Variants in TRPS1 observed in about 807,000 individuals in gnomAD.
TRPS1 encodes transcriptional repressor GATA binding 1, also known as zinc finger transcription factor Trps1.
TRPS1 carries 6 observed loss-of-function variants against 101.2 expected under a neutral mutation model. The observed-to-expected ratio is 0.06, with a 90% CI of 0.03 to 0.12. TRPS1 has a LOEUF of 0.12. Ranked by LOEUF, TRPS1 falls within the 10% of genes least tolerant of loss-of-function variation. The pLI is 1.00. For missense variants in TRPS1, 1,363 were observed against 1,567.0 expected (o/e 0.87, Z 2.20); for synonymous variants, 578 against 589.8 (o/e 0.98, Z 0.29).
chr8:115,555,434 T>C (rs1205945315), intron 5 of TRPS1, among the ~76,000 whole-genome samples: 1 of 152,176 alleles, frequency 6.6e-6, no homozygotes, highest in Non-Finnish European at 1.5e-5. Context: ...TAACAGTTTT[T>C]CCGAACACTT....
At chr8:115,605,030 T>C (rs1423089144) in intron 3 of TRPS1, 28 bp from the exon 4 acceptor site, 5 of 1,608,222 alleles carry the variant, frequency 3.1e-6, no homozygotes, top group Middle Eastern at 3.3e-4. Context: ...TGGACTTTAC[T>C]TCCAAGGTGT....
At chr8:115,480,949 T>C (rs772398920) in intron 5 of TRPS1, among the ~76,000 whole-genome samples, 2 of 152,130 alleles carry the variant, frequency 1.3e-5, no homozygotes, top group Non-Finnish European at 2.9e-5. Flanking sequence ...GTAGGTTGAC[T>C]AGAAAATATT....
intron 5 of TRPS1, among the ~76,000 whole-genome samples, chr8:115,563,786 T>C (rs1404461782): frequency 1.3e-5 from 2 of 152,080 alleles, no homozygotes; most frequent in Admixed American, 6.6e-5. Context: ...GGTGTTATGA[T>C]AACTCATGCA....
At position 115,413,308 on chromosome 8, in the gene TRPS1, A is replaced by G. The variant is rs1409267062; in HGVS notation, c.*715T>C. On this transcript the variant is annotated 3_prime_UTR_variant, in exon 7 of 7. Coordinates refer to ENST00000395715, the MANE Select transcript of TRPS1 (RefSeq NM_014112.5). ...GTGGACAAAATGAATCTAAACCGCAAACAAAAGGACTACTGAGTATTTGAA... is the reference window on the plus strand; with the variant it reads ...GTGGACAAAATGAATCTAAACCGCAGACAAAAGGACTACTGAGTATTTGAA... 2 of 152,614 alleles carry G rather than the reference A, an allele frequency of 1.3e-5. No homozygotes were observed. Among genetic ancestry groups the G allele is most frequent in the African/African-American group, 4.8e-5 (2 of 41,438 alleles). The allele number at this position is 152,614 out of a possible 1,614,324, so 9.5% of individuals were successfully genotyped here.
chr8:115,485,979 C>T (rs1014346484), intron 5 of TRPS1, among the ~76,000 whole-genome samples: 2 of 152,320 alleles, frequency 1.3e-5, no homozygotes, highest in South Asian at 2.1e-4. Context: ...TCCTTCATTA[C>T]ATAGTGACAG....
chr8:115,493,248 A>G (rs1463386978), intron 5 of TRPS1, among the ~76,000 whole-genome samples: 1 of 152,174 alleles, frequency 6.6e-6, no homozygotes, highest in Non-Finnish European at 1.5e-5. Flanking sequence ...ACTTCCATGA[A>G]TTATTTCCAG....
chr8:115,431,212 G>A (rs1274796269), intron 5 of TRPS1, among the ~76,000 whole-genome samples: 1 of 151,966 alleles, frequency 6.6e-6, no homozygotes, highest in African/African-American at 2.4e-5. Context: ...CTTAATTTCA[G>A]AAGAGATTGA....
rs151308513 is a variant in TRPS1, at chr8:115,542,071, T to C, written c.2700+44930A>G. Among the ~76,000 whole-genome samples the C allele has an allele frequency of 7.9e-5, 12 of 152,296 alleles. No homozygotes were observed. In the East Asian group the frequency reaches 1.9e-3, roughly 24 times the overall value. On this transcript the variant is annotated intron_variant, in intron 5 of 6. Transcript: ENST00000395715. ...GCAAGTGGAAGAGAAATGCAAGATA[T>C]GGAAGCCTAGCCAATATTCCATTTG...
At chr8:115,581,191 TAA>T (rs772104490) in intron 5 of TRPS1, among the ~76,000 whole-genome samples, 3 of 139,942 alleles carry the variant, frequency 2.1e-5, no homozygotes, top group Non-Finnish European at 4.7e-5. Flanking sequence ...ATGTGGAAGC[TAA>T]AAAAAAAAAA....
chr8:115,497,275 C>T (rs1310335770), intron 5 of TRPS1, among the ~76,000 whole-genome samples: 1 of 152,174 alleles, frequency 6.6e-6, no homozygotes, highest in Non-Finnish European at 1.5e-5. Flanking sequence ...TAATAAGGAG[C>T]GTGCAACCTA....
chr8:115,629,567 C>T (rs574327766), intron 1 of TRPS1, among the ~76,000 whole-genome samples: 10 of 151,864 alleles, frequency 6.6e-5, no homozygotes, highest in African/African-American at 2.2e-4. Context: ...GTCCAGCTAC[C>T]GTGATCAGTT....
intron 5 of TRPS1, among the ~76,000 whole-genome samples, chr8:115,438,261 G>A (rs1308333674): frequency 6.6e-6 from 1 of 152,140 alleles, no homozygotes; most frequent in Non-Finnish European, 1.5e-5. Flanking sequence ...GCCATTCATT[G>A]AGTATCTGCC....
chr8:115,661,166 A>T (rs1405521985), intron 1 of TRPS1, among the ~76,000 whole-genome samples: 1 of 151,994 alleles, frequency 6.6e-6, no homozygotes, highest in East Asian at 1.9e-4. Context: ...TTGATTTATA[A>T]TTTTTTTCAT....
intron 1 of TRPS1, 29 bp from the exon 2 acceptor site, chr8:115,623,787 C>A: frequency 7.0e-7 from 1 of 1,430,702 alleles, no homozygotes; most frequent in East Asian, 2.6e-5. Context: ...GAAAAATTTT[C>A]CTTCCTAAAT....
At chr8:115,525,142 T>A (rs180941393) in intron 5 of TRPS1, among the ~76,000 whole-genome samples, 136 of 152,292 alleles carry the variant, frequency 8.9e-4, no homozygotes, top group African/African-American at 2.7e-3. Flanking sequence ...AAATTAAGTA[T>A]CTTATGGTCA....
At chr8:115,651,074 C>T (rs1811549122) in intron 1 of TRPS1, among the ~76,000 whole-genome samples, 2 of 152,190 alleles carry the variant, frequency 1.3e-5, no homozygotes, top group African/African-American at 2.4e-5. Context: ...ATTTCTGACT[C>T]ATGACCTTAG....
intron 5 of TRPS1, among the ~76,000 whole-genome samples, chr8:115,568,417 C>T (rs944793402): frequency 6.6e-6 from 1 of 151,934 alleles, no homozygotes; most frequent in Non-Finnish European, 1.5e-5. Flanking sequence ...AGCATTTTAC[C>T]ATCATGAGAA....
chr8:115,467,134 T>C (rs1275579038), intron 5 of TRPS1, among the ~76,000 whole-genome samples: 1 of 152,106 alleles, frequency 6.6e-6, no homozygotes, highest in African/African-American at 2.4e-5. Context: ...AAATCATTTA[T>C]GTAAAGGGAA....
intron 5 of TRPS1, among the ~76,000 whole-genome samples, chr8:115,431,009 A>G (rs903631916): frequency 5.3e-5 from 8 of 152,022 alleles, no homozygotes; most frequent in African/African-American, 1.7e-4. Flanking sequence ...TATTTACTTT[A>G]GTAGGAGGAA....
Sources: allele counts gnomAD v4.1 joint callset (sites outside exome capture counted in the v4.1 genomes callset), GRCh38; gene constraint gnomAD v4.1.1; transcripts MANE v1.5; gene names NCBI Gene and HGNC (gene_info 2026-07-23, HGNC 2026-07-21).